Variants in NME9 observed in about 807,000 individuals in gnomAD.
NME9 encodes NME/NM23 family member 9.
In NME9, 48 loss-of-function variants were observed where a neutral mutation model predicts 44.4. The observed-to-expected ratio is 1.08, with a 90% CI of 0.86 to 1.37. The LOEUF is 1.37. Ranked by LOEUF, NME9 falls within the 40% of genes most tolerant of loss-of-function variation. The pLI is 0.00. For synonymous variants in NME9, 139 were observed against 147.1 expected, an observed-to-expected ratio of 0.94 and a Z score of 0.40; for missense variants, 325 against 405.2, an observed-to-expected ratio of 0.80 and a Z score of 1.70.
intron 8 of NME9, chr3:138,274,478 A>G (rs2049087210): frequency 6.2e-7 from 1 of 1,612,086 alleles, no homozygotes; most frequent in East Asian, 2.2e-5. Context: ...GTACTCATGG[A>G]AAGCAAATTA....
intron 8 of NME9, among the ~76,000 whole-genome samples, chr3:138,272,250 C>T (rs2048869228): frequency 6.6e-6 from 1 of 152,090 alleles, no homozygotes; most frequent in Non-Finnish European, 1.5e-5. Flanking sequence ...TTAAGAAAAC[C>T]CACTGCTTAT....
intron 8 of NME9, among the ~76,000 whole-genome samples, chr3:138,262,798 T>C (rs111431212): frequency 5.3e-4 from 81 of 152,250 alleles, no homozygotes; most frequent in Non-Finnish European, 9.3e-4. Context: ...GTTGCCCATA[T>C]TGGGAACTAC....
rs572762047 is a variant in NME9, at chr3:138,301,496, C to T, written c.*144G>A. 6.2e-5 allele frequency: 88 copies of T among 1,428,474 alleles called. No homozygotes were observed. Among genetic ancestry groups the T allele is most frequent in the South Asian group, 1.2e-4 (8 of 68,990 alleles). 88.5% of individuals were successfully genotyped at this position (1,428,474 alleles called of 1,614,324 possible). On this transcript the variant is annotated 3_prime_UTR_variant, in exon 11 of 11. Transcript: ENST00000333911. ...CTGGGATTACAGGTGTGAGTCACTG[C>T]GCCCAGCCATATTATTTTCATTGTC...
At chr3:138,267,028 A>G (rs983609292) in intron 8 of NME9, 4 of 564,964 alleles carry the variant, frequency 7.1e-6, no homozygotes, top group African/African-American at 5.7e-5. Flanking sequence ...GATTCTTCCT[A>G]TCTCTCCAAT....
chr3:138,313,934 GTTGA>G (rs989948751), intron 6 of NME9, among the ~76,000 whole-genome samples: 41 of 152,260 alleles, frequency 2.7e-4, no homozygotes, highest in Middle Eastern at 3.4e-3. Flanking sequence ...ATGAAGAGAG[GTTGA>G]TTAATAGGTA....
rs894115780 is a variant in NME9, at chr3:138,319,559, C to T, written c.114G>A (p.Trp38Ter). ...TCACCACAGGTTTGCAGGGGCCACACCAGCCTTGATAGACATCAACAACTG... is the reference window on the plus strand; with the variant it reads ...TCACCACAGGTTTGCAGGGGCCACATCAGCCTTGATAGACATCAACAACTG... Reference protein sequence around the residue: ...GLTVVDVYQGWCGPCKPVVSL... With the variant: ...GLTVVDVYQG The change falls in exon 3 of 11, where the codon TGG (tryptophan) becomes TGA (stop). Residue 38 changes from tryptophan (W) to a stop codon, truncating the protein, a stop_gained. Coordinates refer to ENST00000333911, the MANE Select transcript of NME9 (RefSeq NM_001349018.2). LOFTEE classifies it high-confidence loss of function. The T allele has an allele frequency of 1.2e-6, 2 of 1,612,454 alleles. No homozygotes were observed. The highest frequency in any genetic ancestry group is 8.5e-7 in the Non-Finnish European group (1 of 1,178,508).
intron 8 of NME9, among the ~76,000 whole-genome samples, chr3:138,277,177 AAAG>A (rs2049377858): frequency 5.3e-5 from 8 of 152,182 alleles, no homozygotes; most frequent in Non-Finnish European, 8.8e-5. Flanking sequence ...CTTGGTGGAG[AAAG>A]AATGGTCTTT....
intron 4 of NME9, among the ~76,000 whole-genome samples, chr3:138,316,729 C>T (rs1275615244): frequency 6.6e-6 from 1 of 152,116 alleles, no homozygotes; most frequent in African/African-American, 2.4e-5. Flanking sequence ...ATTCTCCTGC[C>T]TCAGCCTCCT....
intron 8 of NME9, among the ~76,000 whole-genome samples, chr3:138,292,679 G>T (rs1007905668): frequency 3.9e-5 from 6 of 152,192 alleles, no homozygotes; most frequent in Admixed American, 3.9e-4. Flanking sequence ...AAGAGTTCTT[G>T]TTTGGGTATG....
In NME9 at chr3:138,286,802, C is replaced by T. The variant is rs2050468170; in HGVS notation, c.745+16705G>A. 2.6e-5 allele frequency among the ~76,000 whole-genome samples: 4 copies of T among 152,214 alleles called. No homozygotes were observed. The South Asian group carries it at 8.3e-4, about 32-fold the overall frequency. On this transcript the variant is annotated intron_variant, in intron 8 of 8. Coordinates refer to the NME9 transcript ENST00000317876. ...CTATCATCACTGTGCTGACAATACACTGTAATTTCCAAATGTGTTTCCCAG... is the reference window on the plus strand; with the variant it reads ...CTATCATCACTGTGCTGACAATACATTGTAATTTCCAAATGTGTTTCCCAG...
At chr3:138,288,480 T>C (rs1056611498) in intron 8 of NME9, among the ~76,000 whole-genome samples, 1 of 152,200 alleles carries the variant, frequency 6.6e-6, no homozygotes, top group Non-Finnish European at 1.5e-5. Flanking sequence ...AGATGGTTTT[T>C]TAAATTTGAA....
chr3:138,263,841 T>G (rs2047991685), intron 8 of NME9: 6 of 1,608,332 alleles, frequency 3.7e-6, no homozygotes, highest in Non-Finnish European at 5.1e-6. Context: ...TTAAATGGTC[T>G]GAATAAAAAC....
At chr3:138,277,743 G>T (rs907203376) in intron 8 of NME9, among the ~76,000 whole-genome samples, 1 of 152,134 alleles carries the variant, frequency 6.6e-6, no homozygotes, top group Admixed American at 6.5e-5. Context: ...TTACAAAGTT[G>T]TACATATACG....
intron 8 of NME9, among the ~76,000 whole-genome samples, chr3:138,263,243 T>A (rs2047929681): frequency 6.6e-6 from 1 of 152,256 alleles, no homozygotes; most frequent in Admixed American, 6.5e-5. Flanking sequence ...CACTTCGTGC[T>A]ATAGTGAAAG....
intron 8 of NME9, among the ~76,000 whole-genome samples, chr3:138,283,755 G>A (rs1402244530): frequency 6.6e-6 from 1 of 152,246 alleles, no homozygotes; most frequent in African/African-American, 2.4e-5. Context: ...CATCAGTGCA[G>A]TGGTTGTCCT....
At chr3:138,287,269 C>A (rs970386198) in intron 8 of NME9, among the ~76,000 whole-genome samples, 9 of 152,224 alleles carry the variant, frequency 5.9e-5, no homozygotes, top group African/African-American at 2.2e-4. Context: ...ACCTACTTCT[C>A]TGAACAGACA....
At chr3:138,301,729 G>A in intron 10 of NME9, 25 bp from the exon 11 acceptor site, 2 of 1,525,466 alleles carry the variant, frequency 1.3e-6, no homozygotes, top group Non-Finnish European at 1.8e-6. Context: ...ATGTTTGGTA[G>A]GACTCCTGAA....
At chr3:138,268,099 C>T (rs1355879309) in intron 8 of NME9, among the ~76,000 whole-genome samples, 2 of 151,806 alleles carry the variant, frequency 1.3e-5, no homozygotes, top group Non-Finnish European at 2.9e-5. Flanking sequence ...AAAAATTAGC[C>T]GGGGGTGGTG....
exon 9 of NME9, chr3:138,262,430 C>G: frequency 8.0e-7 from 1 of 1,247,108 alleles, no homozygotes; most frequent in South Asian, 1.5e-5. Flanking sequence ...GATATTTTCC[C>G]TGATCATTGT....
Sources: allele counts gnomAD v4.1 joint callset (sites outside exome capture counted in the v4.1 genomes callset), GRCh38; gene constraint gnomAD v4.1.1; transcripts MANE v1.5; gene names NCBI Gene and HGNC (gene_info 2026-07-23, HGNC 2026-07-21).